Variants in TXNRD3 observed in about 807,000 individuals in gnomAD.
TXNRD3 encodes TXNRD3 neighbor gene protein.
TXNRD3 carries 68 observed loss-of-function variants against 78.2 expected under a neutral mutation model. That is an observed-to-expected ratio of 0.87 (90% CI 0.72 to 1.06). TXNRD3 has a LOEUF of 1.06. Ranked by LOEUF, TXNRD3 falls within the 50% of genes least tolerant of loss-of-function variation. The probability of loss-of-function intolerance (pLI) is 0.00; values close to 1 mark genes in which losing one functional copy is unlikely to be tolerated. For synonymous variants in TXNRD3, 296 were observed against 300.1 expected (o/e 0.99, Z 0.14); for missense variants, 751 against 809.5 (o/e 0.93, Z 0.88).
At chr3:126,631,910 C>A in intron 7 of TXNRD3, 31 bp from the exon 8 acceptor site, 2 of 1,426,496 alleles carry the variant, frequency 1.4e-6, no homozygotes, top group Non-Finnish European at 1.9e-6. Context: ...CCTCACTTAG[C>A]AAACACTACA....
intron 1 of TXNRD3, among the ~76,000 whole-genome samples, chr3:126,649,991 T>C (rs1309859396): frequency 6.6e-6 from 1 of 152,222 alleles, no homozygotes; most frequent in African/African-American, 2.4e-5. Context: ...TAGTTAAAAA[T>C]GGTAAGTTTT....
intron 1 of TXNRD3, 58 bp downstream of exon 1, chr3:126,654,690 T>C: frequency 1.7e-6 from 2 of 1,160,186 alleles, no homozygotes; most frequent in Non-Finnish European, 2.1e-6. Context: ...CTGCCCCGGG[T>C]GGCGTCCGCG....
chr3:126,626,473 A>T (rs930296745), intron 10 of TXNRD3, among the ~76,000 whole-genome samples: 2 of 152,224 alleles, frequency 1.3e-5, no homozygotes, highest in Non-Finnish European at 2.9e-5. Context: ...CCAATAAAAA[A>T]GGGCTGAAGA....
At chr3:126,618,863 CA>C (rs36021189) in intron 12 of TXNRD3, among the ~76,000 whole-genome samples, 6,011 of 73,072 alleles carry the variant, frequency 0.082, 117 homozygotes, top group African/African-American at 0.15. Flanking sequence ...AACTCAGAGC[CA>C]AAAAAAAAAA....
intron 10 of TXNRD3, chr3:126,624,923 T>G (rs866509860): frequency 4.8e-6 from 1 of 209,322 alleles, no homozygotes; most frequent in East Asian, 1.1e-4. Context: ...CCAGGTTGTA[T>G]GTTGGATTTG....
chr3:126,633,285 A>C (rs2107619979), intron 7 of TXNRD3, among the ~76,000 whole-genome samples: 1 of 152,336 alleles, frequency 6.6e-6, no homozygotes, highest in African/African-American at 2.4e-5. Context: ...CATACCTCAC[A>C]CATTTCTGAG....
At position 126,643,997 on chromosome 3, in the gene TXNRD3, A is replaced by C; in HGVS notation, c.576T>G (p.Pro192=). The stretch of plus-strand genomic sequence containing the variant: ...ACAACTTACCCCAGGATGTGCCCTG[A>C]GGTGACGGGACAACAAAGTCTAGCA... Residue 192 remains proline (P), a synonymous_variant, in exon 5 of 16, where the codon CCT becomes CCG. Transcript: ENST00000524230. 6.5e-7 allele frequency: 1 copy of C among 1,536,070 alleles called. No homozygotes were observed. The highest frequency in any genetic ancestry group is 8.7e-7 in the Non-Finnish European group (1 of 1,146,886).
chr3:126,629,103 A>T (rs1938648254), intron 10 of TXNRD3, among the ~76,000 whole-genome samples: 1 of 152,108 alleles, frequency 6.6e-6, no homozygotes, highest in South Asian at 2.1e-4. Context: ...TAAGAAATGT[A>T]TAAAATATCT....
chr3:126,608,533 T>G lies in TXNRD3; in HGVS notation c.1829A>C (p.Asp610Ala). ...TGTGGGGTGAATTCCAATGGTGTCATCAAGTAGCTGTTTTGTGAGCCCACA... is the reference window on the plus strand; with the variant it reads ...TGTGGGGTGAATTCCAATGGTGTCAGCAAGTAGCTGTTTTGTGAGCCCACA... The change falls in exon 15 of 16, where the codon GAT (aspartate) becomes GCT (alanine). Residue 610 changes from aspartate (D) to alanine (A), a missense_variant. Asp to Ala is a moderately radical substitution (Grantham distance 126, BLOSUM62 -2). Coordinates refer to ENST00000524230, the MANE Select transcript of TXNRD3 (RefSeq NM_052883.3). 6.5e-7 allele frequency: 1 copy of G among 1,535,944 alleles called. No individual in the cohort carries two copies. The highest frequency in any genetic ancestry group is 1.7e-4 in the Middle Eastern group (1 of 5,990).
chr3:126,631,019 G>C, intron 8 of TXNRD3, 82 bp from the exon 9 acceptor site: 4 of 1,303,356 alleles, frequency 3.1e-6, no homozygotes, highest in Non-Finnish European at 4.1e-6. Flanking sequence ...TAATGGTCTT[G>C]TGATGACTGA....
At chr3:126,629,943 C>A (rs1245048279) in intron 9 of TXNRD3, among the ~76,000 whole-genome samples, 2 of 152,130 alleles carry the variant, frequency 1.3e-5, no homozygotes, top group African/African-American at 4.8e-5. Flanking sequence ...AGATATAAAT[C>A]TGAGAATCAT....
intron 1 of TXNRD3, among the ~76,000 whole-genome samples, chr3:126,650,428 T>G (rs1576298751): frequency 1.3e-5 from 2 of 152,120 alleles, no homozygotes; most frequent in Non-Finnish European, 2.9e-5. Context: ...ATCACTTGAG[T>G]GCAGGTGCTC....
At chr3:126,651,475 T>A (rs1440258309) in intron 1 of TXNRD3, among the ~76,000 whole-genome samples, 1 of 152,252 alleles carries the variant, frequency 6.6e-6, no homozygotes, top group Non-Finnish European at 1.5e-5. Flanking sequence ...TAGAGGATCA[T>A]TTGTCCTAAG....
intron 14 of TXNRD3, 146 bp from the exon 15 acceptor site, chr3:126,608,779 T>C (rs959383103): frequency 2.1e-6 from 2 of 933,936 alleles, no homozygotes; most frequent in Non-Finnish European, 3.0e-6. Context: ...AACATTACCA[T>C]GAAACTAAGC....
chr3:126,633,924 T>G lies in TXNRD3; in HGVS notation c.840A>C (p.Glu280Asp). 1 of 1,502,838 alleles carries G rather than the reference T, an allele frequency of 6.7e-7. No individual in the cohort carries two copies. Among genetic ancestry groups the G allele is most frequent in the Non-Finnish European group, 8.8e-7 (1 of 1,132,248 alleles). 93.1% of individuals were successfully genotyped at this position (1,502,838 alleles called of 1,614,324 possible). Residue 280 changes from glutamate to aspartate, a missense_variant, in exon 7 of 16, where the codon GAA (glutamate) becomes GAC (aspartate). Transcript: ENST00000524230. ...CAAGCACTACCTTTATTTTATGATG[T>G]TCAACAAATTCTCCATAGGAATTGA...
In TXNRD3 at chr3:126,607,934, C is replaced by T. The variant is rs1323112581; in HGVS notation, c.1903G>A (p.Asp635Asn). 1 of 1,511,244 alleles carries T rather than the reference C, an allele frequency of 6.6e-7. No individual in the cohort carries two copies. Among genetic ancestry groups the T allele is most frequent in the Admixed American group, 2.0e-5 (1 of 50,666 alleles). 93.6% of individuals were successfully genotyped at this position (1,511,244 alleles called of 1,614,324 possible). A position where few individuals can be genotyped will look rare whatever the true frequency, so the allele number is the denominator to read the frequency against. ...CCTCAGCAGCCTTTCTGAGTGATGT[C>T]TAGTCCTGACGACTTTGTGATTTCC... The change falls in exon 16 of 16, where the codon GAC (aspartate) becomes AAC (asparagine). Residue 635 changes from aspartate (D) to asparagine (N), a missense_variant. By Grantham distance (23) the Asp-to-Asn change is conservative. Transcript: ENST00000524230.
At chr3:126,620,123 G>A (rs545057812) in intron 12 of TXNRD3, among the ~76,000 whole-genome samples, 5 of 151,946 alleles carry the variant, frequency 3.3e-5, no homozygotes, top group African/African-American at 1.2e-4. Flanking sequence ...GTGAAACCCC[G>A]TCTCAACTAA....
chr3:126,637,700 T>G (rs948295542), intron 6 of TXNRD3, among the ~76,000 whole-genome samples: 7 of 152,096 alleles, frequency 4.6e-5, no homozygotes, highest in Non-Finnish European at 1.0e-4. Flanking sequence ...TCATTCAGCT[T>G]TATCCTAGTA....
chr3:126,609,105 T>C (rs1279449247), intron 14 of TXNRD3: 2 of 421,222 alleles, frequency 4.7e-6, no homozygotes, highest in African/African-American at 4.1e-5. Context: ...GGCTGTGTGC[T>C]GAGAGGTATG....
Sources: allele counts gnomAD v4.1 joint callset (sites outside exome capture counted in the v4.1 genomes callset), GRCh38; gene constraint gnomAD v4.1.1; transcripts MANE v1.5; gene names NCBI Gene and HGNC (gene_info 2026-07-23, HGNC 2026-07-21).